The following DEAF1 variants were observed in gnomAD, a reference collection of about 807,000 sequenced individuals.
DEAF1 encodes deformed epidermal autoregulatory factor 1 homolog.
In DEAF1, 53 loss-of-function variants were observed where a neutral mutation model predicts 58.9. The ratio of observed to expected loss-of-function variants is 0.90; its 90% confidence interval spans 0.72 to 1.13. DEAF1 has a LOEUF of 1.13. Among genes scored for constraint, DEAF1 ranks in the 50% most tolerant of loss-of-function variants. The pLI is 0.00. For synonymous variants in DEAF1, 385 were observed against 340.4 expected (o/e 1.13, Z -1.44); for missense variants, 685 against 791.4 (o/e 0.87, Z 1.61).
At position 691,835 on chromosome 11, in the gene DEAF1, C is replaced by T. The variant is rs1459882688; in HGVS notation, c.290-237G>A. 5.3e-5 allele frequency among the ~76,000 whole-genome samples: 8 copies of T among 152,164 alleles called. No individual in the cohort carries two copies. In the East Asian group the frequency reaches 9.6e-4, roughly 18 times the overall value. On this transcript the variant is annotated intron_variant, in intron 1 of 11. Coordinates refer to ENST00000382409, the MANE Select transcript of DEAF1 (RefSeq NM_021008.4). ...TATTCTTCCCCAGTAAAGCCTTTTACGTGCAGTAAAAAATGCATACAACAA... is the reference window on the plus strand; with the variant it reads ...TATTCTTCCCCAGTAAAGCCTTTTATGTGCAGTAAAAAATGCATACAACAA...
chr11:672,747 C>G (rs1393928931), intron 10 of DEAF1, among the ~76,000 whole-genome samples: 1 of 152,018 alleles, frequency 6.6e-6, no homozygotes, highest in Non-Finnish European at 1.5e-5. Context: ...ATTCCGGAGG[C>G]TGAGGCAGGA....
intron 10 of DEAF1, among the ~76,000 whole-genome samples, chr11:655,505 C>T (rs1307529275): frequency 5.3e-5 from 8 of 151,742 alleles, no homozygotes; most frequent in South Asian, 2.1e-4. Context: ...CTTGGCGCCG[C>T]GACCTGCACG....
At chr11:679,888 C>T (rs904210163) in intron 7 of DEAF1, 72 bp from the exon 8 acceptor site, 18 of 1,598,194 alleles carry the variant, frequency 1.1e-5, no homozygotes, top group African/African-American at 5.3e-5. Flanking sequence ...GTGCCACCCA[C>T]GGGCGCCAAT....
intron 10 of DEAF1, among the ~76,000 whole-genome samples, chr11:666,899 A>G: frequency 6.7e-6 from 1 of 149,064 alleles, no homozygotes; most frequent in Non-Finnish European, 1.5e-5. Flanking sequence ...AAAAAAAAAG[A>G]AAAAAAGAAA....
Position 655,030 on chromosome 11 carries a change from C to G in DEAF1, c.1504-979G>C, listed in dbSNP as rs529252224. Among the ~76,000 whole-genome samples, 9 of 151,532 alleles carry G rather than the reference C, an allele frequency of 5.9e-5. No individual in the cohort carries two copies. The South Asian group carries it at 1.7e-3, about 28-fold the overall frequency. On this transcript the variant is annotated intron_variant, in intron 10 of 11. Transcript: ENST00000382409. ...TACCATTGCACTCCAGCCTGGGCGA[C>G]AGAGCAAGACTGTCTCCAAAACAAA...
chr11:662,023 G>A (rs1004565287), intron 10 of DEAF1, among the ~76,000 whole-genome samples: 3 of 152,132 alleles, frequency 2.0e-5, no homozygotes, highest in Non-Finnish European at 4.4e-5. Flanking sequence ...TGGGCCGGGC[G>A]CGGTGGCTCA....
At chr11:651,354 C>T (rs748526578) in intron 11 of DEAF1, 5 of 316,490 alleles carry the variant, frequency 1.6e-5, no homozygotes, top group South Asian at 2.5e-5. Flanking sequence ...ATGGGAGGAT[C>T]GCCCGAAGCC....
At chr11:650,373 C>CA (rs796351710) in intron 11 of DEAF1, among the ~76,000 whole-genome samples, 1,356 of 22,216 alleles carry the variant, frequency 0.061, 367 homozygotes, top group Middle Eastern at 0.091. Flanking sequence ...CAGTCCGTCT[C>CA]AAAAAAAAAA....
intron 11 of DEAF1, among the ~76,000 whole-genome samples, chr11:645,828 C>T (rs556836859): frequency 5.9e-5 from 9 of 152,274 alleles, no homozygotes; most frequent in African/African-American, 1.4e-4. Context: ...GAGACGGCCT[C>T]GTCAGACAGA....
intron 10 of DEAF1, among the ~76,000 whole-genome samples, chr11:663,235 G>A (rs1363950245): frequency 6.6e-6 from 1 of 152,162 alleles, no homozygotes; most frequent in Non-Finnish European, 1.5e-5. Context: ...TCACCTGAAC[G>A]CAGGAGTTCA....
intron 10 of DEAF1, among the ~76,000 whole-genome samples, chr11:657,816 G>A (rs1215236559): frequency 6.6e-6 from 1 of 152,174 alleles, no homozygotes; most frequent in Non-Finnish European, 1.5e-5. Context: ...TCTCAGAACT[G>A]CAGGGCATGG....
Position 694,443 on chromosome 11 carries a change from T to A in DEAF1, c.289+316A>T, listed in dbSNP as rs569877402. On this transcript the variant is annotated intron_variant, in intron 1 of 11. Coordinates refer to ENST00000382409, the MANE Select transcript of DEAF1 (RefSeq NM_021008.4). ...AGCAGGTGTGCGAGGCAGGTATTTG[T>A]GGCAGGTGGGGCAGGCTGGTCACCT... The A allele has an allele frequency of 3.0e-3, 538 of 177,678 alleles. 1 individual carries two copies. The highest frequency in any genetic ancestry group is 3.5e-3 in the Non-Finnish European group (372 of 105,672). 11.0% of individuals were successfully genotyped at this position (177,678 alleles called of 1,614,324 possible).
intron 11 of DEAF1, among the ~76,000 whole-genome samples, chr11:647,105 C>T (rs1203418660): frequency 6.6e-6 from 1 of 152,116 alleles, no homozygotes; most frequent in African/African-American, 2.4e-5. Flanking sequence ...CTGTAGTGAG[C>T]CGTGATGGCA....
At chr11:649,324 AAGG>A (rs1321762172) in intron 11 of DEAF1, among the ~76,000 whole-genome samples, 6 of 152,156 alleles carry the variant, frequency 3.9e-5, no homozygotes, top group African/African-American at 1.2e-4. Flanking sequence ...TGGGAGGCTG[AAGG>A]AGGAGTATTG....
intron 10 of DEAF1, among the ~76,000 whole-genome samples, chr11:655,038 G>GACTGTCTCCAAAACAAA: frequency 6.6e-6 from 1 of 151,262 alleles, no homozygotes; most frequent in Admixed American, 6.6e-5. Flanking sequence ...GACAGAGCAA[G>GACTGTCTCCAAAACAAA]ACTGTCTCCA....
At chr11:677,982 G>A (rs1416802668) in intron 9 of DEAF1, among the ~76,000 whole-genome samples, 1 of 138,144 alleles carries the variant, frequency 7.2e-6, no homozygotes, top group Non-Finnish European at 1.5e-5. Flanking sequence ...AACAAAAAAC[G>A]TATAATTATA....
At chr11:663,308 C>T (rs1490670540) in intron 10 of DEAF1, among the ~76,000 whole-genome samples, 1 of 152,210 alleles carries the variant, frequency 6.6e-6, no homozygotes, top group Non-Finnish European at 1.5e-5. Flanking sequence ...ATTAGCCAGA[C>T]GTGGTGGCGC....
At chr11:701,626 G>C (rs925164279) in intron 1 of DEAF1, among the ~76,000 whole-genome samples, 8 of 151,800 alleles carry the variant, frequency 5.3e-5, no homozygotes, top group Non-Finnish European at 1.2e-4. Context: ...AGCCAGGATG[G>C]TTTCCATCTC....
At chr11:678,178 C>T (rs1431165710) in intron 9 of DEAF1, 2 of 175,416 alleles carry the variant, frequency 1.1e-5, no homozygotes, top group African/African-American at 4.8e-5. Flanking sequence ...CACTGCACCC[C>T]AGCCTGGGCA....
Sources: allele counts gnomAD v4.1 joint callset (sites outside exome capture counted in the v4.1 genomes callset), GRCh38; gene constraint gnomAD v4.1.1; transcripts MANE v1.5; gene names NCBI Gene and HGNC (gene_info 2026-07-23, HGNC 2026-07-21).